L2HGDH: variants seen among roughly 807,000 people sequenced by gnomAD.
L2HGDH encodes the protein L-2-hydroxyglutarate dehydrogenase.
L2HGDH carries 34 observed loss-of-function variants against 51.5 expected under a neutral mutation model. The observed-to-expected ratio is 0.66, with a 90% CI of 0.50 to 0.88. The LOEUF (loss-of-function observed/expected upper bound fraction) is 0.88. Ranked by LOEUF, L2HGDH falls within the 40% of genes least tolerant of loss-of-function variation. The pLI, the probability that L2HGDH is intolerant of heterozygous loss-of-function variation, is 0.00. For missense variants in L2HGDH, 558 were observed against 571.9 expected, an observed-to-expected ratio of 0.98 and a Z score of 0.25; for synonymous variants, 198 against 197.9, an observed-to-expected ratio of 1.00 and a Z score of -0.01.
At chr14:50,272,200 C>G (rs1365275000) in intron 6 of L2HGDH, among the ~76,000 whole-genome samples, 1 of 152,122 alleles carries the variant, frequency 6.6e-6, no homozygotes, top group East Asian at 1.9e-4. Context: ...GTGGACCCCC[C>G]AATTTGAATG....
At chr14:50,280,087 T>C (rs542734296) in intron 5 of L2HGDH, among the ~76,000 whole-genome samples, 104 of 148,500 alleles carry the variant, frequency 7.0e-4, no homozygotes, top group African/African-American at 2.4e-3. Context: ...AAAAGAAATA[T>C]ACAAGCAAAA....
chr14:50,269,390 G>A, intron 6 of L2HGDH, 60 bp from the exon 7 acceptor site: 2 of 1,488,142 alleles, frequency 1.3e-6, no homozygotes, highest in African/African-American at 1.4e-5. Context: ...GTCAAGAGGG[G>A]AAAAACAGGT....
chr14:50,257,968 G>T (rs1244451387), intron 9 of L2HGDH, among the ~76,000 whole-genome samples: 1 of 150,698 alleles, frequency 6.6e-6, no homozygotes, highest in African/African-American at 2.4e-5. Flanking sequence ...ATCTGGGAGG[G>T]GTTGGATTCA....
At chr14:50,253,993 G>T (rs1888508939) in intron 9 of L2HGDH, among the ~76,000 whole-genome samples, 1 of 152,044 alleles carries the variant, frequency 6.6e-6, no homozygotes, top group Non-Finnish European at 1.5e-5. Flanking sequence ...ACGCATAGAG[G>T]TAAGAGAGCA....
At chr14:50,266,464 G>A (rs764814035) in intron 8 of L2HGDH, among the ~76,000 whole-genome samples, 2 of 152,058 alleles carry the variant, frequency 1.3e-5, no homozygotes, top group East Asian at 1.9e-4. Context: ...GTAACATGGC[G>A]AAACCCTGTC....
At chr14:50,266,324 C>T (rs1305321368) in intron 8 of L2HGDH, among the ~76,000 whole-genome samples, 1 of 152,100 alleles carries the variant, frequency 6.6e-6, no homozygotes, top group Non-Finnish European at 1.5e-5. Context: ...CCCTAGATTT[C>T]TTTAGTCAGC....
At chr14:50,286,007 C>A (rs1468470368) in intron 4 of L2HGDH, among the ~76,000 whole-genome samples, 1 of 152,118 alleles carries the variant, frequency 6.6e-6, no homozygotes, top group Non-Finnish European at 1.5e-5. Flanking sequence ...GTAGAGGCTG[C>A]CAAGTTGGGG....
At chr14:50,276,927 T>A (rs1890007322) in intron 6 of L2HGDH, among the ~76,000 whole-genome samples, 1 of 152,234 alleles carries the variant, frequency 6.6e-6, no homozygotes, top group African/African-American at 2.4e-5. Flanking sequence ...CACTGAAGGA[T>A]GTTTAGCAAC....
intron 9 of L2HGDH, among the ~76,000 whole-genome samples, chr14:50,264,196 A>AT (rs1889207702): frequency 1.3e-5 from 2 of 151,656 alleles, no homozygotes; most frequent in African/African-American, 4.8e-5. Flanking sequence ...CCTGGCTAAC[A>AT]GGAGAAACCC....
intron 5 of L2HGDH, among the ~76,000 whole-genome samples, chr14:50,281,398 GC>G (rs1320925566): frequency 6.6e-6 from 1 of 151,942 alleles, no homozygotes; most frequent in Non-Finnish European, 1.5e-5. Context: ...TTTAAGACCA[GC>G]CTGGCCAACA....
intron 6 of L2HGDH, among the ~76,000 whole-genome samples, chr14:50,270,836 G>A (rs751795628): frequency 6.6e-6 from 1 of 151,874 alleles, no homozygotes; most frequent in Non-Finnish European, 1.5e-5. Context: ...ACTCTATTGA[G>A]CTAAATTTTC....
intron 3 of L2HGDH, among the ~76,000 whole-genome samples, chr14:50,301,146 G>C (rs1225050754): frequency 6.6e-6 from 1 of 152,132 alleles, no homozygotes; most frequent in Non-Finnish European, 1.5e-5. Context: ...CCACTAGGAT[G>C]GCTAAAATAG....
At chr14:50,270,805 C>T (rs974141026) in intron 6 of L2HGDH, among the ~76,000 whole-genome samples, 4 of 152,196 alleles carry the variant, frequency 2.6e-5, no homozygotes, top group African/African-American at 9.7e-5. Context: ...CGCGCCCGGC[C>T]AGGCCTTACT....
chr14:50,302,540 A>T (rs2030472838), intron 2 of L2HGDH, among the ~76,000 whole-genome samples: 1 of 152,198 alleles, frequency 6.6e-6, no homozygotes, highest in Non-Finnish European at 1.5e-5. Flanking sequence ...GCCGATGGAT[A>T]AAGTGAGCAC....
rs141161211 is a variant in L2HGDH at position 50,261,628 on chromosome 14, G to A, written c.1196+3730C>T. Among the ~76,000 whole-genome samples the A allele has an allele frequency of 2.2e-3, 333 of 151,570 alleles. 2 individuals are homozygous for A. The highest frequency in any genetic ancestry group is 6.4e-3 in the African/African-American group (266 of 41,316). On this transcript the variant is annotated intron_variant, in intron 9 of 9. Transcript: ENST00000267436. ...CTCTCTAGTAGCTACAACTATAGGCGTGCACCACCTGCCCAGCTAATTAAA... is the reference window on the plus strand; with the variant it reads ...CTCTCTAGTAGCTACAACTATAGGCATGCACCACCTGCCCAGCTAATTAAA...
At chr14:50,276,122 G>T (rs1595100704) in intron 6 of L2HGDH, among the ~76,000 whole-genome samples, 2 of 152,188 alleles carry the variant, frequency 1.3e-5, no homozygotes, top group East Asian at 3.9e-4. Flanking sequence ...CACATCTCCT[G>T]AAGCTTCTCT....
At chr14:50,288,036 G>C (rs944660601) in intron 4 of L2HGDH, among the ~76,000 whole-genome samples, 1 of 152,022 alleles carries the variant, frequency 6.6e-6, no homozygotes, top group African/African-American at 2.4e-5. Context: ...TGATATTTCA[G>C]TATGTGTCTA....
intron 3 of L2HGDH, among the ~76,000 whole-genome samples, chr14:50,297,533 A>C (rs902242431): frequency 6.6e-6 from 1 of 152,204 alleles, no homozygotes. Context: ...AAGCATCACA[A>C]AGAATAAACT....
Position 50,294,119 on chromosome 14 carries a change from C to T in L2HGDH, c.536G>A (p.Cys179Tyr). 6.2e-7 allele frequency: 1 copy of T among 1,613,906 alleles called. No homozygotes were observed. The highest frequency in any genetic ancestry group is 1.1e-5 in the South Asian group (1 of 91,074). The change falls in exon 4 of 10, where the codon TGT (cysteine) becomes TAT (tyrosine). Residue 179 changes from cysteine (C) to tyrosine (Y), a missense_variant. Transcript: ENST00000267436. Reference protein sequence around the residue: ...QEDIKKKEPYCRGLMAIDCPH... With the variant: ...QEDIKKKEPYYRGLMAIDCPH... The stretch of plus-strand genomic sequence containing the variant: ...ATCCCTTTGTTAATCACTTACCCTA[C>T]AATATGGCTCCTTCTTTTTTATATC...
Sources: allele counts gnomAD v4.1 joint callset (sites outside exome capture counted in the v4.1 genomes callset), GRCh38; gene constraint gnomAD v4.1.1; transcripts MANE v1.5; gene names NCBI Gene and HGNC (gene_info 2026-07-23, HGNC 2026-07-21).